Variants in UBA6 observed in about 807,000 individuals in gnomAD.
UBA6 encodes the protein ubiquitin like modifier activating enzyme 6.
In UBA6, 87 loss-of-function variants were observed where a neutral mutation model predicts 148.3. The ratio of observed to expected loss-of-function variants is 0.59; its 90% CI spans 0.49 to 0.70. The LOEUF is 0.70. UBA6 is among the 30% of genes least tolerant of loss of function. The pLI is 0.00. For synonymous variants in UBA6, 376 were observed against 401.0 expected (o/e 0.94, Z 0.75); for missense variants, 1,186 against 1,241.2 (o/e 0.96, Z 0.67).
At chr4:67,689,933 T>G (rs768425461) in intron 2 of UBA6, among the ~76,000 whole-genome samples, 1 of 152,088 alleles carries the variant, frequency 6.6e-6, no homozygotes, top group South Asian at 2.1e-4. Context: ...AGAGTTGACA[T>G]ACATGTGAAC....
At chr4:67,690,350 C>A (rs1251352907) in intron 2 of UBA6, among the ~76,000 whole-genome samples, 1 of 151,952 alleles carries the variant, frequency 6.6e-6, no homozygotes, top group Non-Finnish European at 1.5e-5. Flanking sequence ...CTATAAAACT[C>A]CCAGAAGAAA....
Position 67,667,403 on chromosome 4 carries a change from T to C in UBA6, c.793+1148A>G, listed in dbSNP as rs544904423. On this transcript the variant is annotated intron_variant, in intron 9 of 32. Coordinates refer to ENST00000322244, the MANE Select transcript of UBA6 (RefSeq NM_018227.6). ...TGTATTTAAAATAATTAGATGTAGC[T>C]GGCAAACAAAATCAAATAGTTTTGT... is the stretch of plus-strand genomic sequence containing the variant. Among the ~76,000 whole-genome samples, 3 of 152,296 alleles carry C rather than the reference T, an allele frequency of 2.0e-5. No homozygotes were observed. The South Asian group carries it at 6.2e-4, about 32-fold the overall frequency.
At chr4:67,662,072 G>T in intron 13 of UBA6, 117 bp downstream of exon 13, 1 of 885,888 alleles carries the variant, frequency 1.1e-6, no homozygotes, top group Non-Finnish European at 1.8e-6. Flanking sequence ...ACTGAAAAAA[G>T]TTGTCTAATG....
At chr4:67,694,550 A>ACCACAC (rs1730785934) in intron 2 of UBA6, among the ~76,000 whole-genome samples, 1 of 135,896 alleles carries the variant, frequency 7.4e-6, no homozygotes, top group African/African-American at 2.7e-5. Context: ...CGCCACCGCC[A>ACCACAC]CCACACCCGG....
intron 2 of UBA6, among the ~76,000 whole-genome samples, chr4:67,685,249 T>C (rs1017548291): frequency 3.3e-5 from 5 of 152,240 alleles, no homozygotes; most frequent in African/African-American, 1.2e-4. Flanking sequence ...TTGAGTTTTA[T>C]ATATTACCTA....
chr4:67,644,531 T>A (rs1729376082), intron 17 of UBA6, among the ~76,000 whole-genome samples, 167 bp downstream of exon 17: 1 of 152,170 alleles, frequency 6.6e-6, no homozygotes, highest in Non-Finnish European at 1.5e-5. Flanking sequence ...TGCTACAAGG[T>A]AACATAAGTT....
chr4:67,624,720 T>C (rs1728825896), intron 29 of UBA6, among the ~76,000 whole-genome samples: 1 of 152,106 alleles, frequency 6.6e-6, no homozygotes, highest in African/African-American at 2.4e-5. Flanking sequence ...CTGCTTTGTA[T>C]GAATGACGTA....
At chr4:67,623,030 A>C in intron 31 of UBA6, 105 bp from the exon 32 acceptor site, 8 of 1,351,192 alleles carry the variant, frequency 5.9e-6, no homozygotes, top group Non-Finnish European at 8.2e-6. Flanking sequence ...TAAAAAAAGC[A>C]AATTCATGGT....
In UBA6 at chr4:67,685,886, T is replaced by C. The variant is rs181813278; in HGVS notation, c.135-3673A>G. ...TCTTACACTTCCTAGCCTCCATAAC[T>C]GTGAGCCAAATAAATTTCTGTTTAG... On this transcript the variant is annotated intron_variant, in intron 2 of 32. Coordinates refer to ENST00000322244, the MANE Select transcript of UBA6 (RefSeq NM_018227.6). 3.9e-5 allele frequency among the ~76,000 whole-genome samples: 6 copies of C among 152,300 alleles called. No individual in the cohort carries two copies. In the East Asian group the frequency reaches 7.7e-4, roughly 20 times the overall value.
Position 67,635,378 on chromosome 4 carries a change from A to T in UBA6, c.1842+75T>A, listed in dbSNP as rs933351099. ...CAAAATCAGAAGGATTAGGAAAGCTAAATCAAATTGTTGATTAAGACAAAA... is the reference window on the plus strand; with the variant it reads ...CAAAATCAGAAGGATTAGGAAAGCTTAATCAAATTGTTGATTAAGACAAAA... On this transcript the variant is annotated intron_variant, in intron 20 of 32. Coordinates refer to ENST00000322244, the MANE Select transcript of UBA6 (RefSeq NM_018227.6). The T allele has an allele frequency of 1.1e-5, 10 of 896,076 alleles. No homozygotes were observed. The African/African-American group carries it at 1.2e-4, about 10-fold the overall frequency. The allele number at this position is 896,076 out of a possible 1,614,324, so 55.5% of individuals were successfully genotyped here. A position where few individuals can be genotyped will look rare whatever the true frequency, so the allele number is the denominator to read the frequency against.
intron 32 of UBA6, among the ~76,000 whole-genome samples, chr4:67,622,373 T>A (rs1728770587): frequency 6.6e-6 from 1 of 152,162 alleles, no homozygotes; most frequent in South Asian, 2.1e-4. Flanking sequence ...CCATAATACT[T>A]ACTATCACCT....
chr4:67,632,682 A>G (rs1577794202), intron 23 of UBA6, among the ~76,000 whole-genome samples: 1 of 152,272 alleles, frequency 6.6e-6, no homozygotes, highest in East Asian at 1.9e-4. Context: ...GTTGAAAGTA[A>G]AAAGAAGAAG....
intron 13 of UBA6, among the ~76,000 whole-genome samples, chr4:67,660,390 T>G (rs1385762896): frequency 6.6e-6 from 1 of 152,184 alleles, no homozygotes; most frequent in Non-Finnish European, 1.5e-5. Flanking sequence ...GCCTTGCTAC[T>G]TTGTGCAGTG....
At chr4:67,688,121 G>C (rs1423976446) in intron 2 of UBA6, among the ~76,000 whole-genome samples, 1 of 152,170 alleles carries the variant, frequency 6.6e-6, no homozygotes, top group Non-Finnish European at 1.5e-5. Context: ...ACCTAGGAAT[G>C]TCCTGATTCT....
intron 13 of UBA6, among the ~76,000 whole-genome samples, chr4:67,660,544 T>A (rs1729822956): frequency 6.6e-6 from 1 of 152,144 alleles, no homozygotes; most frequent in South Asian, 2.1e-4. Context: ...CAAGCGAGAT[T>A]TGGGAACCTC....
chr4:67,626,116 A>C (rs1320935041), intron 28 of UBA6, among the ~76,000 whole-genome samples: 1 of 151,992 alleles, frequency 6.6e-6, no homozygotes, highest in East Asian at 1.9e-4. Flanking sequence ...GAAAAACAAC[A>C]ACAATGCAGT....
intron 13 of UBA6, among the ~76,000 whole-genome samples, chr4:67,658,264 C>A (rs1050649668): frequency 1.3e-5 from 2 of 152,170 alleles, no homozygotes; most frequent in Admixed American, 6.5e-5. Context: ...TGGCACTATT[C>A]ACTATAGCAA....
chr4:67,646,502 C>T (rs1350008223), intron 15 of UBA6, among the ~76,000 whole-genome samples: 1 of 152,066 alleles, frequency 6.6e-6, no homozygotes, highest in Non-Finnish European at 1.5e-5. Flanking sequence ...ATTTTAAATG[C>T]TAACCATTCT....
chr4:67,700,003 A>C (rs1730938878), intron 1 of UBA6, among the ~76,000 whole-genome samples: 1 of 152,176 alleles, frequency 6.6e-6, no homozygotes, highest in Non-Finnish European at 1.5e-5. Flanking sequence ...TGGTGGGTAA[A>C]TCTGAATAAA....
Sources: allele counts gnomAD v4.1 joint callset (sites outside exome capture counted in the v4.1 genomes callset), GRCh38; gene constraint gnomAD v4.1.1; transcripts MANE v1.5; gene names NCBI Gene and HGNC (gene_info 2026-07-23, HGNC 2026-07-21).